Variants in VPS13D observed in about 807,000 individuals in gnomAD.
VPS13D encodes vacuolar protein sorting 13 homolog D.
Under a neutral mutation model 461.9 loss-of-function variants are expected in VPS13D, and 187 were observed. The ratio of observed to expected loss-of-function variants is 0.40; its 90% CI spans 0.36 to 0.46. The LOEUF is 0.46. Ranked by LOEUF, VPS13D falls within the 20% of genes least tolerant of loss-of-function variation. The pLI is 0.60. For synonymous variants in VPS13D, 1,951 were observed against 1,986.3 expected, an observed-to-expected ratio of 0.98 and a Z score of 0.47; for missense variants, 4,711 against 5,364.9, an observed-to-expected ratio of 0.88 and a Z score of 3.81.
intron 2 of VPS13D, 117 bp from the exon 3 acceptor site, chr1:12,242,396 A>G (rs1437901156): frequency 2.3e-6 from 2 of 872,128 alleles, no homozygotes; most frequent in Admixed American, 2.6e-5. Flanking sequence ...TAACCTTCAC[A>G]TGACGTAGCC....
chr1:12,292,330 C>A lies in VPS13D; in HGVS notation c.5853-1194C>A, dbSNP rs1243505138. 3.3e-4 allele frequency among the ~76,000 whole-genome samples: 49 copies of A among 147,564 alleles called. 1 individual carries two copies. The highest frequency in any genetic ancestry group is 5.1e-4 in the Non-Finnish European group (34 of 67,260). On this transcript the variant is annotated intron_variant, in intron 23 of 69. Coordinates refer to ENST00000620676, the MANE Select transcript of VPS13D (RefSeq NM_015378.4). Reference sequence around the variant, plus strand: ...GGAGTATAAAATGGTGGTTTTCAACCCTTTTTTTTTTCTTTTTTTTAATCT... The same window carrying A: ...GGAGTATAAAATGGTGGTTTTCAACACTTTTTTTTTTCTTTTTTTTAATCT...
chr1:12,493,935 T>C (rs562726370), intron 67 of VPS13D, among the ~76,000 whole-genome samples: 12 of 152,230 alleles, frequency 7.9e-5, no homozygotes, highest in Non-Finnish European at 1.3e-4. Flanking sequence ...CTGACATTGA[T>C]GAGGTGATAC....
intron 55 of VPS13D, among the ~76,000 whole-genome samples, 184 bp downstream of exon 55, chr1:12,374,042 T>G (rs544180640): frequency 6.6e-6 from 1 of 152,198 alleles, no homozygotes; most frequent in South Asian, 2.1e-4. Flanking sequence ...GTAAGATGAC[T>G]TCTGGAGTGG....
chr1:12,320,526 A>G (rs1049136335), intron 32 of VPS13D, among the ~76,000 whole-genome samples: 1 of 152,204 alleles, frequency 6.6e-6, no homozygotes, highest in Non-Finnish European at 1.5e-5. Flanking sequence ...TTTGAGACAA[A>G]CATAGTGGAA....
intron 2 of VPS13D, among the ~76,000 whole-genome samples, chr1:12,236,726 A>G (rs1337479480): frequency 6.6e-6 from 1 of 152,138 alleles, no homozygotes; most frequent in Non-Finnish European, 1.5e-5. Context: ...ACTGTTCTAG[A>G]TGCTTTGGGA....
At chr1:12,298,430 G>A (rs1569844006) in intron 24 of VPS13D, among the ~76,000 whole-genome samples, 1 of 151,970 alleles carries the variant, frequency 6.6e-6, no homozygotes, top group African/African-American at 2.4e-5. Flanking sequence ...ACATGAGGCC[G>A]GGAGTTTGAG....
At chr1:12,249,066 G>A (rs1353744340) in intron 5 of VPS13D, among the ~76,000 whole-genome samples, 157 bp from the exon 6 acceptor site, 1 of 152,176 alleles carries the variant, frequency 6.6e-6, no homozygotes, top group Non-Finnish European at 1.5e-5. Flanking sequence ...TTTGTATAAA[G>A]TGCCTGGTGT....
chr1:12,248,446 A>T (rs1393097368), intron 5 of VPS13D, among the ~76,000 whole-genome samples: 5 of 150,908 alleles, frequency 3.3e-5, no homozygotes, highest in African/African-American at 4.9e-5. Flanking sequence ...GGGCTCAAAC[A>T]ATCCTCCTGC....
chr1:12,486,197 G>C (rs1350610946), intron 67 of VPS13D, among the ~76,000 whole-genome samples: 1 of 152,216 alleles, frequency 6.6e-6, no homozygotes, highest in Non-Finnish European at 1.5e-5. Flanking sequence ...CATCTGGCTA[G>C]AGGTGGCCCT....
At position 12,509,546 on chromosome 1, in the gene VPS13D, TG is replaced by T. The variant is rs1317585480; in HGVS notation, c.*525del. On this transcript the variant is annotated 3_prime_UTR_variant, in exon 70 of 70. Coordinates refer to ENST00000620676, the MANE Select transcript of VPS13D (RefSeq NM_015378.4). Reference sequence around the variant, plus strand: ...GGAGACTAAAGTATTCCCAGTAAAGTGGGTTGAGGTGAGGGCTGTGGTCCTG... The same window carrying T: ...GGAGACTAAAGTATTCCCAGTAAAGTGGTTGAGGTGAGGGCTGTGGTCCTG... 1 of 152,598 alleles carries T rather than the reference TG, an allele frequency of 6.6e-6. No individual in the cohort carries two copies. Among genetic ancestry groups the T allele is most frequent in the East Asian group, 1.9e-4 (1 of 5,200 alleles). 9.5% of individuals were successfully genotyped at this position (152,598 alleles called of 1,614,324 possible).
In VPS13D at chr1:12,452,790, A is replaced by C. The variant is rs1385274849; in HGVS notation, c.12334-3208A>C. Among the ~76,000 whole-genome samples the C allele has an allele frequency of 2.6e-5, 4 of 152,212 alleles. No individual in the cohort carries two copies. The East Asian group carries it at 7.7e-4, about 29-fold the overall frequency. On this transcript the variant is annotated intron_variant, in intron 65 of 69. Coordinates refer to ENST00000620676, the MANE Select transcript of VPS13D (RefSeq NM_015378.4). ...TACTCATCAATACAGGTTTGGTTGG[A>C]TCATAGATTTCAACATCTACTCAAG...
At chr1:12,383,249 G>C in intron 58 of VPS13D, 94 bp downstream of exon 58, 1 of 1,281,354 alleles carries the variant, frequency 7.8e-7, no homozygotes, top group Non-Finnish European at 1.1e-6. Flanking sequence ...ACATGTTTAT[G>C]CCAGATATGA....
Position 12,256,453 on chromosome 1 carries a change from C to T in VPS13D, c.790C>T (p.Arg264Cys), listed in dbSNP as rs1225165562. The T allele has an allele frequency of 5.0e-6, 8 of 1,613,976 alleles. No homozygotes were observed. Among genetic ancestry groups the T allele is most frequent in the South Asian group, 1.1e-5 (1 of 91,078 alleles). The change falls in exon 8 of 70, where the codon CGT (arginine) becomes TGT (cysteine). Residue 264 changes from arginine (R) to cysteine (C), a missense_variant. Transcript: ENST00000620676. ...GCCCCTGCGGTCTCGGCACAGTCCC[C>T]GTATTGATTGTGATATTCAGCTGGA... Reference protein sequence around the residue: ...KKPLRSRHSPRIDCDIQLETI... With the variant: ...KKPLRSRHSPCIDCDIQLETI...
chr1:12,504,946 G>A (rs1646085056), intron 68 of VPS13D, among the ~76,000 whole-genome samples: 1 of 151,982 alleles, frequency 6.6e-6, no homozygotes, highest in African/African-American at 2.4e-5. Flanking sequence ...GCTGGGGGCT[G>A]GGGGCTGGGG....
chr1:12,381,124 A>T (rs960132355), intron 57 of VPS13D, among the ~76,000 whole-genome samples: 1 of 152,242 alleles, frequency 6.6e-6, no homozygotes, highest in Non-Finnish European at 1.5e-5. Context: ...AACAGTATTC[A>T]GCAGAGCAGA....
chr1:12,317,385 T>C (rs564726620), intron 30 of VPS13D, among the ~76,000 whole-genome samples: 2 of 152,218 alleles, frequency 1.3e-5, no homozygotes, highest in South Asian at 2.1e-4. Flanking sequence ...TAAGTCTGCG[T>C]CTCTGACTTC....
intron 66 of VPS13D, 88 bp downstream of exon 66, chr1:12,456,218 G>T: frequency 6.7e-7 from 1 of 1,490,774 alleles, no homozygotes; most frequent in Non-Finnish European, 8.9e-7. Flanking sequence ...AAAAAAGAAA[G>T]GTGGGCTGGG....
At chr1:12,353,943 T>G in intron 46 of VPS13D, 31 bp from the exon 47 acceptor site, 1 of 1,602,554 alleles carries the variant, frequency 6.2e-7, no homozygotes, top group Non-Finnish European at 8.5e-7. Context: ...TCATTAAGTC[T>G]GATGATTTTT....
chr1:12,245,364 T>G (rs962638858), intron 5 of VPS13D, among the ~76,000 whole-genome samples: 1 of 152,236 alleles, frequency 6.6e-6, no homozygotes, highest in Admixed American at 6.5e-5. Context: ...TTTCGTAACT[T>G]TCCTTTGACA....
Sources: gnomAD v4.1 joint callset for allele counts (sites outside exome capture counted in the v4.1 genomes callset) on GRCh38, gnomAD v4.1.1 for gene constraint, MANE v1.5 for transcripts, NCBI Gene and HGNC (gene_info 2026-07-23, HGNC 2026-07-21) for gene names.